Variants in CADPS observed in about 807,000 individuals in gnomAD.
CADPS encodes calcium dependent secretion activator, also known as calcium-dependent secretion activator 1.
In CADPS, 57 loss-of-function variants were observed where a neutral mutation model predicts 167.3. The observed-to-expected ratio is 0.34, with a 90% CI of 0.28 to 0.42. The LOEUF is 0.42. Ranked by LOEUF, CADPS falls within the 20% of genes least tolerant of loss-of-function variation. The pLI is 1.00. For missense variants in CADPS, 1,414 were observed against 1,738.1 expected (o/e 0.81, Z 3.32); for synonymous variants, 676 against 635.3 (o/e 1.06, Z -0.96).
chr3:62,723,845 G>A (rs976442203), intron 3 of CADPS, among the ~76,000 whole-genome samples: 7 of 152,202 alleles, frequency 4.6e-5, no homozygotes, highest in African/African-American at 1.7e-4. Context: ...TGTCTGGAGA[G>A]GCACTGAGGT....
At chr3:62,656,576 T>C (rs2071650132) in intron 4 of CADPS, among the ~76,000 whole-genome samples, 2 of 152,112 alleles carry the variant, frequency 1.3e-5, no homozygotes. Flanking sequence ...CCTGTATGCA[T>C]CATCTCCTTT....
intron 1 of CADPS, among the ~76,000 whole-genome samples, chr3:62,837,447 G>A (rs945776645): frequency 6.6e-6 from 1 of 152,222 alleles, no homozygotes; most frequent in Non-Finnish European, 1.5e-5. Context: ...ATAGCCCTAC[G>A]AAAGTCAGTC....
At chr3:62,795,679 C>T (rs1407764571) in intron 1 of CADPS, among the ~76,000 whole-genome samples, 1 of 152,188 alleles carries the variant, frequency 6.6e-6, no homozygotes, top group Admixed American at 6.5e-5. Context: ...GAATAAAACA[C>T]ATTCTGGCCC....
intron 1 of CADPS, among the ~76,000 whole-genome samples, chr3:62,873,903 G>C (rs2083129319): frequency 1.3e-5 from 2 of 152,146 alleles, no homozygotes; most frequent in African/African-American, 4.8e-5. Flanking sequence ...GGAAGGGTCA[G>C]GGGGACTGGT....
chr3:62,592,797 G>C, intron 6 of CADPS, 49 bp from the exon 7 acceptor site: 1 of 1,359,910 alleles, frequency 7.4e-7, no homozygotes, highest in Non-Finnish European at 1.0e-6. Context: ...GCCTTGATGA[G>C]TCTAAACTAT....
At chr3:62,861,495 C>G in intron 1 of CADPS, among the ~76,000 whole-genome samples, 1 of 152,130 alleles carries the variant, frequency 6.6e-6, no homozygotes, top group East Asian at 1.9e-4. Context: ...CATTGATTTT[C>G]TAAGATTTTT....
chr3:62,652,491 A>C (rs2070450227), intron 4 of CADPS, among the ~76,000 whole-genome samples: 2 of 152,202 alleles, frequency 1.3e-5, no homozygotes, highest in Non-Finnish European at 2.9e-5. Flanking sequence ...CCCTGTCATC[A>C]ATCAGATTTA....
At chr3:62,866,869 T>A (rs930473952) in intron 1 of CADPS, among the ~76,000 whole-genome samples, 2 of 151,988 alleles carry the variant, frequency 1.3e-5, no homozygotes, top group Admixed American at 1.3e-4. Flanking sequence ...AACTAAGAAG[T>A]AAAGACATGG....
chr3:62,554,771 G>C (rs991026295), intron 10 of CADPS, among the ~76,000 whole-genome samples: 1 of 152,156 alleles, frequency 6.6e-6, no homozygotes, highest in Admixed American at 6.5e-5. Context: ...TTGTTTGTTT[G>C]AGACAGAGTC....
chr3:62,672,061 T>C (rs2075624660), intron 3 of CADPS, among the ~76,000 whole-genome samples: 2 of 152,280 alleles, frequency 1.3e-5, no homozygotes, highest in South Asian at 4.1e-4. Context: ...ATTACAGGTG[T>C]GAGCCACCAC....
intron 6 of CADPS, among the ~76,000 whole-genome samples, chr3:62,624,622 A>G (rs539750829): frequency 6.6e-6 from 1 of 152,034 alleles, no homozygotes; most frequent in South Asian, 2.1e-4. Context: ...TGTTTTACTG[A>G]GAATCTGGAA....
intron 4 of CADPS, among the ~76,000 whole-genome samples, chr3:62,659,910 G>T (rs9833297): frequency 0.55 from 83,240 of 152,060 alleles, 23,264 homozygotes; most frequent in East Asian, 0.85. Flanking sequence ...CAATACCCTA[G>T]ACAGGGACCC....
chr3:62,518,127 C>T (rs574012012), intron 14 of CADPS, 22 bp downstream of exon 14: 4 of 1,548,644 alleles, frequency 2.6e-6, no homozygotes, highest in Non-Finnish European at 3.6e-6. Context: ...CTAATTAAAG[C>T]TCTCCAGCCC....
chr3:62,778,131 G>A (rs1374473054), intron 1 of CADPS, among the ~76,000 whole-genome samples: 1 of 152,212 alleles, frequency 6.6e-6, no homozygotes, highest in African/African-American at 2.4e-5. Context: ...AAGCAGTGGA[G>A]AGGTTGAACT....
chr3:62,577,181 T>A (rs1000321679), intron 8 of CADPS, among the ~76,000 whole-genome samples: 1 of 152,158 alleles, frequency 6.6e-6, no homozygotes, highest in East Asian at 1.9e-4. Context: ...GTAGCACCCA[T>A]GGCAATGCTT....
In CADPS at chr3:62,413,768, G is replaced by A. The variant is rs556892437; in HGVS notation, c.3778-10583C>T. Among the ~76,000 whole-genome samples the A allele has an allele frequency of 1.6e-3, 236 of 152,076 alleles. 1 individual carries two copies. The highest frequency in any genetic ancestry group is 5.2e-3 in the African/African-American group (217 of 41,478). ...TACATTTTTTGTTATGTGATTTTAT[G>A]ACAATTAAAAGAAAGATGGGAAATA... On this transcript the variant is annotated intron_variant, in intron 28 of 29. Transcript: ENST00000383710.
intron 4 of CADPS, 57 bp from the exon 5 acceptor site, chr3:62,651,137 A>G: frequency 7.9e-7 from 1 of 1,267,392 alleles, no homozygotes; most frequent in Non-Finnish European, 1.1e-6. Flanking sequence ...TGATTTATAA[A>G]GAAGGTCTTT....
intron 21 of CADPS, among the ~76,000 whole-genome samples, chr3:62,489,486 G>A (rs1468460812): frequency 6.6e-6 from 1 of 152,172 alleles, no homozygotes; most frequent in Admixed American, 6.5e-5. Context: ...AAATTTAACA[G>A]ATTATAAAAT....
intron 4 of CADPS, 133 bp downstream of exon 4, chr3:62,662,181 A>G (rs1281891113): frequency 1.6e-5 from 12 of 768,192 alleles, no homozygotes; most frequent in African/African-American, 6.8e-5. Context: ...TGAGGGCCCA[A>G]TGAGGGTGAT....
Sources: allele counts gnomAD v4.1 joint callset (sites outside exome capture counted in the v4.1 genomes callset), GRCh38; gene constraint gnomAD v4.1.1; transcripts MANE v1.5; gene names NCBI Gene and HGNC (gene_info 2026-07-23, HGNC 2026-07-21).